CELF2: variants seen among roughly 807,000 people sequenced by gnomAD.
CELF2 encodes the protein CUGBP Elav-like family member 2.
In CELF2, 8 loss-of-function variants were observed where a neutral mutation model predicts 62.6. That is an observed-to-expected ratio of 0.13 (90% CI 0.07 to 0.23). The LOEUF (loss-of-function observed/expected upper bound fraction) is 0.23, where lower values mean the gene tolerates loss of function less well. Ranked by LOEUF, CELF2 falls within the 10% of genes least tolerant of loss-of-function variation. The pLI, the probability that CELF2 is intolerant of heterozygous loss-of-function variation, is 1.00. For synonymous variants in CELF2, 258 were observed against 250.0 expected (o/e 1.03, Z -0.30); for missense variants, 333 against 671.0 (o/e 0.50, Z 5.56).
Position 11,334,602 on chromosome 10 carries a change from C to G in CELF2, c.*5549C>G, listed in dbSNP as rs2096084881. The G allele has an allele frequency of 6.6e-6, 1 of 152,248 alleles. No individual in the cohort carries two copies. 9.4% of individuals were successfully genotyped at this position (152,248 alleles called of 1,614,324 possible). A position where few individuals can be genotyped will look rare whatever the true frequency, so the allele number is the denominator to read the frequency against. ...ATTTATACACTTTTTTCCTACAGTT[C>G]ACCTCAGTAACTGCCTTTGGGGTTG... On this transcript the variant is annotated 3_prime_UTR_variant, in exon 13 of 13. Coordinates refer to ENST00000633077, the MANE Select transcript of CELF2 (RefSeq NM_001326342.2).
the CELF2 span, among the ~76,000 whole-genome samples, chr10:10,514,303 AT>A: frequency 1.2e-4 from 18 of 151,238 alleles, no homozygotes; most frequent in African/African-American, 2.4e-4. Flanking sequence ...GATTCATGGA[AT>A]TTTTTTTTTA....
chr10:10,984,857 T>C (rs2052552747), intron 2 of CELF2, among the ~76,000 whole-genome samples: 1 of 152,186 alleles, frequency 6.6e-6, no homozygotes, highest in African/African-American at 2.4e-5. Flanking sequence ...CTGGACTAAA[T>C]GTTTGTCCTT....
rs904054338 is a variant in CELF2 at position 11,290,203 on chromosome 10, G to A, written c.976+1651G>A. Among the ~76,000 whole-genome samples, 2 of 152,188 alleles carry A rather than the reference G, an allele frequency of 1.3e-5. No individual in the cohort carries two copies. The highest frequency in any genetic ancestry group is 4.1e-4 in the South Asian group (2 of 4,820). On this transcript the variant is annotated intron_variant, in intron 9 of 12. Transcript: ENST00000633077. The surrounding 1 kb of genome is among the most constrained non-coding windows in gnomAD (Gnocchi z 4.3). Reference sequence around the variant, plus strand: ...GAGTCCTTCAGTCCTTCAGGGACTTGGACAAGAAGCAAAGCAATGAGTGTC... The same window carrying A: ...GAGTCCTTCAGTCCTTCAGGGACTTAGACAAGAAGCAAAGCAATGAGTGTC...
chr10:10,958,096 G>T (rs1416470368), intron 2 of CELF2, among the ~76,000 whole-genome samples: 2 of 152,186 alleles, frequency 1.3e-5, no homozygotes, highest in Admixed American at 1.3e-4. Context: ...TAGACTAAAA[G>T]CGTGTATTGG....
At chr10:11,100,156 A>G (rs1156882158) in intron 1 of CELF2, among the ~76,000 whole-genome samples, 1 of 152,062 alleles carries the variant, frequency 6.6e-6, no homozygotes, top group African/African-American at 2.4e-5. Flanking sequence ...GTGAGCGTAG[A>G]TGGCGCCACT....
At chr10:11,222,912 G>A (rs1266467607) in intron 3 of CELF2, among the ~76,000 whole-genome samples, 2 of 152,170 alleles carry the variant, frequency 1.3e-5, no homozygotes, top group Non-Finnish European at 2.9e-5. Flanking sequence ...CTATATATGT[G>A]TATGTCTATA....
rs76424624 is a variant in CELF2, at chr10:10,838,470, C to G, written c.53+39653C>G. Reference sequence around the variant, plus strand: ...GGAGTGGGGAATTATGCTTCACCTACTTCAGGGCAGGATATCTACAAGAAG... The same window carrying G: ...GGAGTGGGGAATTATGCTTCACCTAGTTCAGGGCAGGATATCTACAAGAAG... On this transcript the variant is annotated intron_variant, in intron 1 of 13. Transcript: ENST00000636488. Among the ~76,000 whole-genome samples the G allele has an allele frequency of 9.5e-4, 144 of 152,348 alleles. No individual in the cohort carries two copies. The East Asian group carries it at 0.024, about 26-fold the overall frequency.
intron 1 of CELF2, among the ~76,000 whole-genome samples, chr10:11,088,955 C>T (rs1311825735): frequency 1.3e-5 from 2 of 152,236 alleles, no homozygotes; most frequent in Admixed American, 6.5e-5. Flanking sequence ...ATGCAAGCCT[C>T]TCCCGTGCGT....
At chr10:11,209,562 C>G (rs983790552) in intron 2 of CELF2, among the ~76,000 whole-genome samples, 5 of 143,066 alleles carry the variant, frequency 3.5e-5, no homozygotes, top group African/African-American at 1.3e-4. Context: ...GGAAAAAGGA[C>G]TACTCTTTTT....
At position 11,322,866 on chromosome 10, in the gene CELF2, G is replaced by A. The variant is rs531407748; in HGVS notation, c.1294+1480G>A. On this transcript the variant is annotated intron_variant, in intron 11 of 12. Coordinates refer to ENST00000633077, the MANE Select transcript of CELF2 (RefSeq NM_001326342.2). The stretch of plus-strand genomic sequence containing the variant: ...CATAAACATCACTTGTCTTCCCAAA[G>A]AAAGGCCTGTGTGTGTTCCTTTTCT... Among the ~76,000 whole-genome samples, 4 of 152,142 alleles carry A rather than the reference G, an allele frequency of 2.6e-5. No homozygotes were observed. In the South Asian group the frequency reaches 8.4e-4, roughly 32 times the overall value.
the CELF2 span, among the ~76,000 whole-genome samples, chr10:10,772,362 C>G: frequency 6.6e-6 from 1 of 152,134 alleles, no homozygotes; most frequent in African/African-American, 2.4e-5. Context: ...TTTTATTACT[C>G]TAGATTTTTA....
rs550047408 is a variant in CELF2, at chr10:11,311,219, G to A, written c.977-2920G>A. Among the ~76,000 whole-genome samples, 79 of 152,310 alleles carry A rather than the reference G, an allele frequency of 5.2e-4. No individual in the cohort carries two copies. Among genetic ancestry groups the A allele is most frequent in the Non-Finnish European group, 9.3e-4 (63 of 68,022 alleles). On this transcript the variant is annotated intron_variant, in intron 9 of 12. Coordinates refer to ENST00000633077, the MANE Select transcript of CELF2 (RefSeq NM_001326342.2). This position sits in a 1 kb window ranked among gnomAD's most constrained non-coding sequence, Gnocchi z 4.7. ...TAGGGCCAGGGGAATTTCCCTCTGA[G>A]AATTCATAACAATAAACCATCCCTC...
chr10:10,773,912 G>A, the CELF2 span, among the ~76,000 whole-genome samples: 26 of 152,304 alleles, frequency 1.7e-4, no homozygotes, highest in African/African-American at 6.0e-4. Context: ...ATTTGCAAGT[G>A]AGGGTCTGAG....
chr10:10,697,010 A>G, the CELF2 span, among the ~76,000 whole-genome samples: 1 of 152,078 alleles, frequency 6.6e-6, no homozygotes, highest in African/African-American at 2.4e-5. Context: ...GATTATGGTG[A>G]TTTTTAAGGT....
At chr10:10,892,707 G>C (rs146243917) in intron 1 of CELF2, among the ~76,000 whole-genome samples, 2 of 152,288 alleles carry the variant, frequency 1.3e-5, no homozygotes, top group African/African-American at 4.8e-5. Context: ...TCATTCCCCA[G>C]ATCTACTGCC....
At chr10:11,133,008 A>T (rs937083618) in intron 1 of CELF2, among the ~76,000 whole-genome samples, 2 of 152,226 alleles carry the variant, frequency 1.3e-5, no homozygotes, top group African/African-American at 4.8e-5. Context: ...AAATTGAGTC[A>T]TGAAAATTCC....
At chr10:10,493,180 A>C in the CELF2 span, among the ~76,000 whole-genome samples, 2 of 152,218 alleles carry the variant, frequency 1.3e-5, no homozygotes, top group Non-Finnish European at 2.9e-5. Flanking sequence ...GCCAATTACA[A>C]AATAACAAAT....
intron 1 of CELF2, among the ~76,000 whole-genome samples, chr10:10,840,538 C>T (rs11256857): frequency 0.74 from 111,919 of 152,116 alleles, 41,619 homozygotes; most frequent in East Asian, 0.97. Context: ...TTTGCCTATA[C>T]TTTAATTGGC....
the CELF2 span, among the ~76,000 whole-genome samples, chr10:10,674,755 G>A: frequency 2.6e-5 from 4 of 152,044 alleles, no homozygotes; most frequent in African/African-American, 7.2e-5. Context: ...ACAAATTCAA[G>A]CCCTCTTTCA....
Sources: gnomAD v4.1 joint callset for allele counts (sites outside exome capture counted in the v4.1 genomes callset) on GRCh38, gnomAD v4.1.1 for gene constraint, Gnocchi (gnomAD v3.1) non-coding constraint, MANE v1.5 for transcripts, NCBI Gene and HGNC (gene_info 2026-07-23, HGNC 2026-07-21) for gene names.